Variants in CPQ observed in about 807,000 individuals in gnomAD.
The protein encoded by CPQ is Ser-Met dipeptidase.
Under a neutral mutation model 45.7 loss-of-function variants are expected in CPQ, and 37 were observed. That is an observed-to-expected ratio of 0.81 (90% CI 0.62 to 1.07). The LOEUF is 1.07. Among genes scored for constraint, CPQ ranks in the 50% least tolerant of loss-of-function variants. The pLI is 0.00. For missense variants in CPQ, 537 were observed against 572.9 expected, an observed-to-expected ratio of 0.94 and a Z score of 0.64; for synonymous variants, 186 against 205.8, an observed-to-expected ratio of 0.90 and a Z score of 0.82.
intron 4 of CPQ, among the ~76,000 whole-genome samples, chr8:96,925,753 G>A (rs879300598): frequency 2.7e-5 from 4 of 150,038 alleles, no homozygotes; most frequent in East Asian, 2.0e-4. Flanking sequence ...GCAGTGGCGC[G>A]ATCTCAGCTC....
intron 3 of CPQ, among the ~76,000 whole-genome samples, chr8:96,855,300 T>G (rs1372105338): frequency 6.6e-6 from 1 of 152,152 alleles, no homozygotes; most frequent in Non-Finnish European, 1.5e-5. Flanking sequence ...TCCTTCCAGT[T>G]AGTCACAGAA....
rs970081498 is a variant in CPQ at position 97,107,980 on chromosome 8, C to T, written c.1256-35040C>T. Among the ~76,000 whole-genome samples, 37 of 152,052 alleles carry T rather than the reference C, an allele frequency of 2.4e-4. 1 individual carries two copies. The highest frequency in any genetic ancestry group is 2.2e-3 in the Admixed American group (33 of 15,262). ...TCCTCTACAGCAGCAAATAAGAAGG[C>T]AGAGCATGTGGATGCTGATGCAGGT... On this transcript the variant is annotated intron_variant, in intron 7 of 7. Transcript: ENST00000220763.
chr8:97,029,620 GCCTTCTCCCTCCAGC>G, intron 6 of CPQ, 126 bp downstream of exon 6: 1 of 776,452 alleles, frequency 1.3e-6, no homozygotes, highest in Non-Finnish European at 2.2e-6. Flanking sequence ...CCTTGTATGA[GCCTTCTCCCTCCAGC>G]CCTGTGAATG....
intron 5 of CPQ, among the ~76,000 whole-genome samples, chr8:97,025,581 GC>G (rs1248421861): frequency 6.6e-6 from 1 of 152,160 alleles, no homozygotes; most frequent in Non-Finnish European, 1.5e-5. Flanking sequence ...TCATGTGCTT[GC>G]CTTGGACTGG....
At chr8:97,066,760 G>T (rs1009760348) in intron 7 of CPQ, among the ~76,000 whole-genome samples, 1 of 151,964 alleles carries the variant, frequency 6.6e-6, no homozygotes, top group African/African-American at 2.4e-5. Context: ...TGTGCAAGAG[G>T]TTGAGCATAA....
rs139680416 is a variant in CPQ at position 96,866,619 on chromosome 8, T to C, written c.642-13179T>C. Among the ~76,000 whole-genome samples the C allele has an allele frequency of 1.5e-3, 231 of 152,202 alleles. 1 individual carries two copies. Among genetic ancestry groups the C allele is most frequent in the African/African-American group, 5.3e-3 (220 of 41,558 alleles). Reference sequence around the variant, plus strand: ...TGTAGAATTAATAGTTTCCCTTTGATTACAGTTTTTTTGGTGTTAACGTTC... The same window carrying C: ...TGTAGAATTAATAGTTTCCCTTTGACTACAGTTTTTTTGGTGTTAACGTTC... On this transcript the variant is annotated intron_variant, in intron 3 of 7. Transcript: ENST00000220763.
chr8:96,986,601 TG>T (rs1808987825), intron 5 of CPQ, among the ~76,000 whole-genome samples: 1 of 152,116 alleles, frequency 6.6e-6, no homozygotes, highest in Non-Finnish European at 1.5e-5. Context: ...ACTCTGAAAT[TG>T]GATTTCCATT....
chr8:97,038,656 CT>C, intron 6 of CPQ, among the ~76,000 whole-genome samples: 1 of 151,926 alleles, frequency 6.6e-6, no homozygotes, highest in Middle Eastern at 3.4e-3. Context: ...GTCTTCTGCC[CT>C]TTTGTTTTCT....
intron 7 of CPQ, among the ~76,000 whole-genome samples, chr8:97,104,002 C>T (rs1416357976): frequency 6.6e-6 from 1 of 152,108 alleles, no homozygotes; most frequent in East Asian, 1.9e-4. Context: ...AAATGGGGTA[C>T]TAGAAAGGCC....
chr8:96,952,484 G>T (rs934487977), intron 4 of CPQ, among the ~76,000 whole-genome samples: 4 of 152,032 alleles, frequency 2.6e-5, no homozygotes, highest in African/African-American at 9.7e-5. Context: ...TGTCAAGAAG[G>T]TTCTTACAGT....
At chr8:96,670,922 ACAGG>A (rs1808993160) in intron 1 of CPQ, among the ~76,000 whole-genome samples, 1 of 151,530 alleles carries the variant, frequency 6.6e-6, no homozygotes, top group African/African-American at 2.4e-5. Flanking sequence ...TAAAAGAGCA[ACAGG>A]ACGGACGGAT....
At chr8:97,123,860 A>C (rs1447561378) in intron 7 of CPQ, among the ~76,000 whole-genome samples, 1 of 152,216 alleles carries the variant, frequency 6.6e-6, no homozygotes. Flanking sequence ...GGCTGTCATA[A>C]TTGTACTATC....
chr8:96,807,390 T>G (rs1207269312), intron 2 of CPQ, among the ~76,000 whole-genome samples: 1 of 152,038 alleles, frequency 6.6e-6, no homozygotes, highest in East Asian at 1.9e-4. Flanking sequence ...CCCACCACCA[T>G]GCCCGGCTGA....
At chr8:96,950,878 C>T (rs1286920078) in intron 4 of CPQ, among the ~76,000 whole-genome samples, 1 of 152,064 alleles carries the variant, frequency 6.6e-6, no homozygotes, top group East Asian at 1.9e-4. Context: ...GCTCAAGCAG[C>T]TTGCTGAGGT....
intron 5 of CPQ, among the ~76,000 whole-genome samples, chr8:96,977,740 G>A (rs564611495): frequency 1.3e-5 from 2 of 152,238 alleles, no homozygotes; most frequent in Non-Finnish European, 1.5e-5. Flanking sequence ...ATCAAACATC[G>A]TATGTTCTCA....
intron 1 of CPQ, among the ~76,000 whole-genome samples, chr8:96,664,416 A>G (rs1171318201): frequency 6.6e-6 from 1 of 152,320 alleles, no homozygotes; most frequent in South Asian, 2.1e-4. Flanking sequence ...TTTTCTGAGC[A>G]TGAGGGGGAA....
At chr8:96,848,714 A>G (rs1453236638) in intron 3 of CPQ, among the ~76,000 whole-genome samples, 2 of 152,324 alleles carry the variant, frequency 1.3e-5, no homozygotes, top group African/African-American at 2.4e-5. Flanking sequence ...GGAAAATGTT[A>G]TCAAGTTTTG....
chr8:97,066,151 A>G lies in CPQ; in HGVS notation c.1196A>G (p.Gln399Arg), dbSNP rs150689132. ...MSLLQPLNITQVLSHGEGTDI... is the reference protein window; with the variant it reads ...MSLLQPLNITRVLSHGEGTDI... ...CTGCTGCAGCCCCTCAATATCACTC[A>G]GGTCCTGAGCCATGGAGAAGGGACA... Residue 399 changes from glutamine to arginine, a missense_variant, in exon 7 of 8, where the codon CAG (glutamine) becomes CGG (arginine). Transcript: ENST00000220763. 19 of 1,612,084 alleles carry G rather than the reference A, an allele frequency of 1.2e-5. No individual in the cohort carries two copies. In the African/African-American group the frequency reaches 1.5e-4, roughly 12 times the overall value.
intron 1 of CPQ, among the ~76,000 whole-genome samples, chr8:96,683,390 A>G (rs1276329596): frequency 1.3e-5 from 2 of 152,164 alleles, no homozygotes; most frequent in Non-Finnish European, 2.9e-5. Flanking sequence ...GTTAGTCCTA[A>G]TCAGACTTGT....
Sources: allele counts gnomAD v4.1 joint callset (sites outside exome capture counted in the v4.1 genomes callset), GRCh38; gene constraint gnomAD v4.1.1; transcripts MANE v1.5; gene names NCBI Gene and HGNC (gene_info 2026-07-23, HGNC 2026-07-21).